The following PKP2 variants were observed in gnomAD, a reference collection of about 807,000 sequenced individuals.
PKP2 encodes plakophilin 2.
Under a neutral mutation model 83.4 loss-of-function variants are expected in PKP2, and 73 were observed. The observed-to-expected ratio is 0.88, with a 90% CI of 0.72 to 1.06. The LOEUF is 1.06. PKP2 is among the 50% of genes least tolerant of loss of function. PKP2 has a pLI of 0.00. For missense variants in PKP2, 966 were observed against 1,065.4 expected (o/e 0.91, Z 1.30); for synonymous variants, 409 against 430.4 (o/e 0.95, Z 0.62).
chr12:32,848,993 C>G (rs1471955193), intron 5 of PKP2, among the ~76,000 whole-genome samples: 1 of 139,078 alleles, frequency 7.2e-6, no homozygotes. Flanking sequence ...ACACTGTCAA[C>G]TATTACACAG....
chr12:32,834,492 T>G (rs1439407156), intron 6 of PKP2, among the ~76,000 whole-genome samples: 1 of 152,170 alleles, frequency 6.6e-6, no homozygotes, highest in Non-Finnish European at 1.5e-5. Flanking sequence ...GCTCCCTAGA[T>G]GTGTTTGTTT....
At chr12:32,883,261 A>G (rs1957001194) in intron 1 of PKP2, among the ~76,000 whole-genome samples, 1 of 152,254 alleles carries the variant, frequency 6.6e-6, no homozygotes, top group Non-Finnish European at 1.5e-5. Flanking sequence ...TTCTGGATAA[A>G]TAGCCAATCT....
intron 9 of PKP2, among the ~76,000 whole-genome samples, chr12:32,806,017 T>C (rs1181787210): frequency 6.6e-6 from 1 of 152,244 alleles, no homozygotes; most frequent in African/African-American, 2.4e-5. Context: ...ATCACGTTTA[T>C]TGATTTGCGA....
chr12:32,883,238 C>T (rs1957000940), intron 1 of PKP2, among the ~76,000 whole-genome samples: 1 of 152,210 alleles, frequency 6.6e-6, no homozygotes. Context: ...CAAGTTGGCA[C>T]AATCGATGGT....
chr12:32,857,100 T>C (rs1177873816), intron 4 of PKP2, among the ~76,000 whole-genome samples: 1 of 151,368 alleles, frequency 6.6e-6, no homozygotes, highest in Non-Finnish European at 1.5e-5. Flanking sequence ...AGAGGGAGGG[T>C]TGGAGAGTAG....
In PKP2 at chr12:32,841,162, G is replaced by C. The variant is rs1398241965; in HGVS notation, c.1422C>G (p.Leu474=). The C allele has an allele frequency of 6.2e-7, 1 of 1,613,504 alleles. No homozygotes were observed. Among genetic ancestry groups the C allele is most frequent in the Non-Finnish European group, 8.5e-7 (1 of 1,179,574 alleles). The change falls in exon 6 of 13, where the codon CTC becomes CTG. Residue 474 remains leucine, a synonymous_variant. Transcript: ENST00000340811. ...NLSSNDKLKN[L]MITEALLTLT... ...GCGTAAGCAATGCTTCTGTTATCAT[G>C]AGATTCTTGAGTTTGTCATTAGATG...
rs533374509 is a variant in PKP2, at chr12:32,872,362, G to A, written c.1035-3300C>T. Among the ~76,000 whole-genome samples, 107 of 152,064 alleles carry A rather than the reference G, an allele frequency of 7.0e-4. 2 individuals are homozygous for A. Among genetic ancestry groups the A allele is most frequent in the African/African-American group, 2.4e-3 (100 of 41,502 alleles). ...AGCCTGGCCAACATGGTGAAACCCC[G>A]TCTCTACTAAAAATACAAAAAATTA... On this transcript the variant is annotated intron_variant, in intron 3 of 12. Coordinates refer to ENST00000340811, the MANE Select transcript of PKP2 (RefSeq NM_001005242.3).
intron 9 of PKP2, among the ~76,000 whole-genome samples, chr12:32,808,603 C>T (rs1406301245): frequency 6.6e-6 from 1 of 152,224 alleles, no homozygotes; most frequent in Non-Finnish European, 1.5e-5. Context: ...AGAAGAGGCA[C>T]TCTGTCTTTT....
chr12:32,811,458 C>A (rs1001290557), intron 9 of PKP2, among the ~76,000 whole-genome samples: 3 of 152,228 alleles, frequency 2.0e-5, no homozygotes, highest in African/African-American at 7.2e-5. Context: ...TTGTGATCAG[C>A]AGATGCTTTA....
At chr12:32,838,535 G>A (rs1047631489) in intron 6 of PKP2, among the ~76,000 whole-genome samples, 1 of 151,388 alleles carries the variant, frequency 6.6e-6, no homozygotes, top group African/African-American at 2.4e-5. Context: ...CCACTATCTG[G>A]CTTTAGCCTA....
At chr12:32,882,611 G>A (rs553097190) in intron 1 of PKP2, among the ~76,000 whole-genome samples, 1 of 152,296 alleles carries the variant, frequency 6.6e-6, no homozygotes, top group East Asian at 1.9e-4. Context: ...ATGTTTAACT[G>A]ACATTAAACA....
intron 4 of PKP2, among the ~76,000 whole-genome samples, chr12:32,858,084 A>AATATATATAT: frequency 1.5e-5 from 1 of 67,024 alleles, no homozygotes; most frequent in Non-Finnish European, 2.4e-5. Flanking sequence ...AAAAAAAAAA[A>AATATATATAT]ATATATATAT....
At chr12:32,853,911 A>G (rs1956723050) in intron 4 of PKP2, among the ~76,000 whole-genome samples, 1 of 152,212 alleles carries the variant, frequency 6.6e-6, no homozygotes, top group Non-Finnish European at 1.5e-5. Flanking sequence ...ACGATCTGTT[A>G]TTCTGCTACT....
intron 11 of PKP2, among the ~76,000 whole-genome samples, chr12:32,795,422 C>T (rs1956111382): frequency 6.6e-6 from 1 of 151,192 alleles, no homozygotes; most frequent in Non-Finnish European, 1.5e-5. Flanking sequence ...ACTCTGTCAA[C>T]CAGGCTGGAG....
At position 32,824,163 on chromosome 12, in the gene PKP2, C is replaced by A. The variant is rs78897684; in HGVS notation, c.1557-1G>T. The A allele has an allele frequency of 6.2e-7, 1 of 1,605,710 alleles. No homozygotes were observed. On this transcript the variant is annotated splice_acceptor_variant, in intron 6 of 12. Transcript: ENST00000340811. LOFTEE classifies it high-confidence loss of function. The stretch of plus-strand genomic sequence containing the variant: ...ATCAGCGCCAGCAGAACTCATGTTT[C>A]TATCAGAAAAAACAAAAAACAAAAA...
chr12:32,896,589 C>T lies in PKP2; in HGVS notation c.143G>A (p.Gly48Asp). 6.3e-7 allele frequency: 1 copy of T among 1,586,678 alleles called. No individual in the cohort carries two copies. The highest frequency in any genetic ancestry group is 8.5e-7 in the Non-Finnish European group (1 of 1,175,658). Reference protein sequence around the residue: ...LKLAGSSGRGGQTVKSLRIQE... With the variant: ...LKLAGSSGRGDQTVKSLRIQE... ...GATCCGCAGGCTCTTGACTGTCTGG[C>T]CGCCGCGGCCGCTGCTCCCCGCCAG... Residue 48 changes from glycine to aspartate, a missense_variant, in exon 1 of 13, where the codon GGC (glycine) becomes GAC (aspartate). Gly to Asp is a moderately conservative substitution (Grantham distance 94, BLOSUM62 -1). Transcript: ENST00000340811.
At chr12:32,853,295 G>A (rs1406349159) in intron 4 of PKP2, among the ~76,000 whole-genome samples, 9 of 150,556 alleles carry the variant, frequency 6.0e-5, no homozygotes, top group Non-Finnish European at 8.8e-5. Context: ...CCAATGTAAT[G>A]CGAATATTCC....
chr12:32,874,471 G>A (rs1416919303), intron 3 of PKP2, among the ~76,000 whole-genome samples: 1 of 152,122 alleles, frequency 6.6e-6, no homozygotes, highest in Non-Finnish European at 1.5e-5. Context: ...GAGAAAAAAA[G>A]TTGATTTCTA....
chr12:32,835,790 G>A (rs985236047), intron 6 of PKP2, among the ~76,000 whole-genome samples: 2 of 152,134 alleles, frequency 1.3e-5, no homozygotes, highest in African/African-American at 4.8e-5. Flanking sequence ...GGGGGAGGGG[G>A]AGATGTCTGA....
Sources: gnomAD v4.1 joint callset for allele counts (sites outside exome capture counted in the v4.1 genomes callset) on GRCh38, gnomAD v4.1.1 for gene constraint, MANE v1.5 for transcripts, NCBI Gene and HGNC (gene_info 2026-07-23, HGNC 2026-07-21) for gene names.